DNAJB6: variants seen among roughly 807,000 people sequenced by gnomAD.
DNAJB6 encodes the protein dnaJ homolog subfamily B member 6.
In DNAJB6, 16 loss-of-function variants were observed where a neutral mutation model predicts 42.7. The observed-to-expected ratio is 0.37, with a 90% CI of 0.25 to 0.57. The LOEUF (loss-of-function observed/expected upper bound fraction) is 0.57, where lower values mean the gene tolerates loss of function less well. Ranked by LOEUF, DNAJB6 falls within the 20% of genes least tolerant of loss-of-function variation. The pLI is 0.74. For missense variants in DNAJB6, 347 were observed against 416.8 expected (o/e 0.83, Z 1.46); for synonymous variants, 170 against 163.5 (o/e 1.04, Z -0.30).
At chr7:157,369,829 C>A (rs959187347) in intron 5 of DNAJB6, among the ~76,000 whole-genome samples, 3 of 149,160 alleles carry the variant, frequency 2.0e-5, no homozygotes. Flanking sequence ...ATTAAACAGG[C>A]CTTTCATAAC....
At chr7:157,363,314 G>A (rs763891871) in intron 3 of DNAJB6, 44 bp downstream of exon 3, 12 of 1,351,816 alleles carry the variant, frequency 8.9e-6, no homozygotes, top group African/African-American at 4.3e-5. Flanking sequence ...CGGGCATGCC[G>A]GAATGCGGAG....
intron 2 of DNAJB6, among the ~76,000 whole-genome samples, chr7:157,359,183 G>A (rs922133161): frequency 6.6e-6 from 1 of 152,194 alleles, no homozygotes; most frequent in African/African-American, 2.4e-5. Flanking sequence ...TGTTAACTGT[G>A]AATGTAGAGT....
intron 6 of DNAJB6, among the ~76,000 whole-genome samples, chr7:157,384,612 T>G (rs752901769): frequency 2.0e-5 from 3 of 152,124 alleles, no homozygotes; most frequent in Non-Finnish European, 4.4e-5. Context: ...CCCGCGAAGC[T>G]CTGCATGAGG....
intron 5 of DNAJB6, among the ~76,000 whole-genome samples, chr7:157,376,144 G>A (rs1163598615): frequency 6.6e-6 from 1 of 152,138 alleles, no homozygotes; most frequent in African/African-American, 2.4e-5. Flanking sequence ...GCTTGGTAAA[G>A]CTCAGAGAAA....
At chr7:157,362,570 C>T (rs1799657954) in intron 2 of DNAJB6, among the ~76,000 whole-genome samples, 1 of 151,870 alleles carries the variant, frequency 6.6e-6, no homozygotes, top group African/African-American at 2.4e-5. Flanking sequence ...GTTGGGGTTT[C>T]TCCATGTTGG....
intron 4 of DNAJB6, among the ~76,000 whole-genome samples, chr7:157,366,990 A>G (rs1799876992): frequency 6.6e-6 from 1 of 152,320 alleles, no homozygotes; most frequent in Admixed American, 6.5e-5. Flanking sequence ...TATTGCTCCA[A>G]ACCCACTGGG....
chr7:157,391,874 G>T (rs1186412468), intron 8 of DNAJB6, among the ~76,000 whole-genome samples: 1 of 152,210 alleles, frequency 6.6e-6, no homozygotes, highest in Middle Eastern at 3.4e-3. Flanking sequence ...GGCTGAGGTG[G>T]GTTGATTGCT....
intron 8 of DNAJB6, among the ~76,000 whole-genome samples, chr7:157,387,677 T>C (rs550847008): frequency 1.3e-5 from 2 of 152,350 alleles, no homozygotes; most frequent in South Asian, 2.1e-4. Flanking sequence ...TTGGTTGTTC[T>C]AGACTTTGTG....
intron 5 of DNAJB6, 98 bp from the exon 6 acceptor site, chr7:157,382,148 A>G (rs1800812987): frequency 3.6e-6 from 5 of 1,374,144 alleles, no homozygotes; most frequent in Non-Finnish European, 4.9e-6. Flanking sequence ...TTGTTCCTGA[A>G]TATGTTACAA....
At chr7:157,364,736 A>G (rs887888973) in intron 3 of DNAJB6, among the ~76,000 whole-genome samples, 1 of 152,232 alleles carries the variant, frequency 6.6e-6, no homozygotes, top group African/African-American at 2.4e-5. Context: ...CATATTTGAT[A>G]GAGCAGCTTT....
intron 1 of DNAJB6, among the ~76,000 whole-genome samples, chr7:157,353,498 C>G (rs969427466): frequency 2.0e-5 from 3 of 151,732 alleles, no homozygotes; most frequent in South Asian, 2.1e-4. Flanking sequence ...TTTTCCTGTT[C>G]TAGAAACCAT....
At chr7:157,410,566 G>T (rs1187946661) in intron 9 of DNAJB6, 1 of 160,232 alleles carries the variant, frequency 6.2e-6, no homozygotes, top group Non-Finnish European at 1.3e-5. Flanking sequence ...TCTGAAGTGA[G>T]TGCCCCGGAG....
chr7:157,362,774 A>C (rs118078028), intron 2 of DNAJB6, among the ~76,000 whole-genome samples: 1 of 152,150 alleles, frequency 6.6e-6, no homozygotes, highest in South Asian at 2.1e-4. Flanking sequence ...GTATTATGCT[A>C]TCAGGATTTT....
At chr7:157,354,862 G>A (rs776801223) in intron 1 of DNAJB6, among the ~76,000 whole-genome samples, 1 of 152,106 alleles carries the variant, frequency 6.6e-6, no homozygotes, top group Non-Finnish European at 1.5e-5. Context: ...CAGGCACCTC[G>A]GAGCTCAAGG....
intron 8 of DNAJB6, 44 bp from the exon 9 acceptor site, chr7:157,409,751 G>A (rs769426934): frequency 8.1e-5 from 120 of 1,481,288 alleles, no homozygotes; most frequent in Admixed American, 1.7e-4. Context: ...GGGGCCGGCC[G>A]CCGCCGCTCA....
intron 8 of DNAJB6, among the ~76,000 whole-genome samples, chr7:157,401,321 C>T (rs1795510607): frequency 6.6e-6 from 1 of 152,178 alleles, no homozygotes; most frequent in Non-Finnish European, 1.5e-5. Flanking sequence ...TGGGTTCAAG[C>T]AACTCTGCCT....
intron 5 of DNAJB6, chr7:157,380,585 T>C (rs1800711080): frequency 6.6e-6 from 1 of 152,412 alleles, no homozygotes; most frequent in East Asian, 1.9e-4. Context: ...CTGGCACTCC[T>C]CCTCTAGGTC....
At chr7:157,383,307 G>A (rs1437574467) in intron 6 of DNAJB6, among the ~76,000 whole-genome samples, 1 of 152,168 alleles carries the variant, frequency 6.6e-6, no homozygotes, top group Admixed American at 6.5e-5. Context: ...CTCCTGGCCT[G>A]GAGCTGCTGT....
rs1169348599 is a variant in DNAJB6, at chr7:157,409,990, C to A, written c.887C>A (p.Ala296Glu). Residue 296 changes from alanine (A) to glutamate (E), a missense_variant, in exon 9 of 10, where the codon GCG becomes GAG. Ala to Glu is a moderately radical substitution (Grantham distance 107). This residue lies in a region of DNAJB6 where 264 missense variants were observed against 288.0 expected (regional missense o/e 0.92). Transcript: ENST00000262177. ...PRAPGPWDPL[A>E]SAAGLKEGGK... is the part of the protein sequence containing the mutation. ...GCACCCGGGCCCTGGGACCCCCTCG[C>A]GTCCGCAGCAGGTGTGCAAAGGGAG... The A allele has an allele frequency of 1.3e-6, 2 of 1,531,234 alleles. No homozygotes were observed. The highest frequency in any genetic ancestry group is 2.4e-5 in the South Asian group (2 of 83,402). The allele number at this position is 1,531,234 out of a possible 1,614,324, so 94.9% of individuals were successfully genotyped here. A position where few individuals can be genotyped will look rare whatever the true frequency, so the allele number is the denominator to read the frequency against.
Sources: gnomAD v4.1 joint callset for allele counts (sites outside exome capture counted in the v4.1 genomes callset) on GRCh38, gnomAD v4.1.1 for gene constraint, gnomAD v4.1.1 regional missense constraint, MANE v1.5 for transcripts, NCBI Gene and HGNC (gene_info 2026-07-23, HGNC 2026-07-21) for gene names.